Variants in TGFBR1 observed in about 807,000 individuals in gnomAD.
The protein encoded by TGFBR1 is TGF-beta receptor type-1.
Under a neutral mutation model 55.1 loss-of-function variants are expected in TGFBR1, and 20 were observed. The observed-to-expected ratio is 0.36, with a 90% CI of 0.26 to 0.53. The LOEUF (loss-of-function observed/expected upper bound fraction) is 0.53. Among genes scored for constraint, TGFBR1 ranks in the 20% least tolerant of loss-of-function variants. The pLI, the probability that TGFBR1 is intolerant of heterozygous loss-of-function variation, is 0.91. For synonymous variants in TGFBR1, 220 were observed against 214.8 expected (o/e 1.02, Z -0.21); for missense variants, 385 against 617.6 (o/e 0.62, Z 3.99).
chr9:99,128,467 G>A (rs1827104366), intron 1 of TGFBR1, among the ~76,000 whole-genome samples: 1 of 138,610 alleles, frequency 7.2e-6, no homozygotes, highest in Non-Finnish European at 1.5e-5. Flanking sequence ...TGTTTAGTTT[G>A]GGCCTGGTAA....
intron 1 of TGFBR1, among the ~76,000 whole-genome samples, chr9:99,117,350 C>T (rs528048105): frequency 1.3e-5 from 2 of 151,730 alleles, no homozygotes; most frequent in Admixed American, 6.6e-5. Context: ...CTGCCTGCCT[C>T]GGCCTCCCAA....
intron 3 of TGFBR1, among the ~76,000 whole-genome samples, chr9:99,133,962 C>G (rs914201462): frequency 2.7e-5 from 4 of 148,228 alleles, no homozygotes; most frequent in Non-Finnish European, 5.9e-5. Flanking sequence ...TGAGATCGCA[C>G]CACTGCACTC....
intron 1 of TGFBR1, among the ~76,000 whole-genome samples, chr9:99,113,426 A>G (rs1306911466): frequency 1.3e-5 from 2 of 152,144 alleles, no homozygotes; most frequent in Non-Finnish European, 2.9e-5. Context: ...TTCTATTTGG[A>G]TTGATCTAAC....
At position 99,128,475 on chromosome 9, in the gene TGFBR1, TAA is replaced by T. The variant is rs66612011; in HGVS notation, c.98-357_98-356del. 1.0e-3 allele frequency among the ~76,000 whole-genome samples: 108 copies of T among 104,016 alleles called. 1 individual carries two copies. The highest frequency in any genetic ancestry group is 2.8e-3 in the African/African-American group (80 of 28,266). 68.2% of individuals were successfully genotyped at this position (104,016 alleles called of 152,430 possible). Reference sequence around the variant, plus strand: ...ATGTGAATGTTTAGTTTGGGCCTGGTAAAAAAAAAAAAAAAAAAAAAAAAGTA... The same window carrying T: ...ATGTGAATGTTTAGTTTGGGCCTGGTAAAAAAAAAAAAAAAAAAAAAAGTA... On this transcript the variant is annotated intron_variant, in intron 1 of 8. Coordinates refer to ENST00000374994, the MANE Select transcript of TGFBR1 (RefSeq NM_004612.4).
At chr9:99,131,039 CTTA>C (rs1263234802) in intron 2 of TGFBR1, among the ~76,000 whole-genome samples, 4 of 151,910 alleles carry the variant, frequency 2.6e-5, no homozygotes, top group Admixed American at 6.6e-5. Flanking sequence ...ATCCAATATG[CTTA>C]TTATCAGAAT....
chr9:99,125,261 T>C (rs566790424), intron 1 of TGFBR1, among the ~76,000 whole-genome samples: 126 of 152,306 alleles, frequency 8.3e-4, no homozygotes, highest in African/African-American at 2.9e-3. Flanking sequence ...CCAAAACACT[T>C]GACAGCAAGC....
At chr9:99,138,860 C>T (rs1827522053) in intron 4 of TGFBR1, among the ~76,000 whole-genome samples, 1 of 151,806 alleles carries the variant, frequency 6.6e-6, no homozygotes, top group South Asian at 2.1e-4. Flanking sequence ...TACAGTGGTG[C>T]AATCTCGGCT....
rs1244225435 is a variant in TGFBR1, at chr9:99,129,088, C to G, written c.331C>G (p.Leu111Val). ...TCAGGACCATTGCAATAAAATAGAA[C>G]TTCCAACTACTGGTAAGTTGTATAA... ...CNQDHCNKIELPTTVKSSPGL... is the reference protein window; with the variant it reads ...CNQDHCNKIEVPTTVKSSPGL... Residue 111 changes from leucine to valine, a missense_variant, in exon 2 of 9, where the codon CTT (leucine) becomes GTT (valine). Leu to Val is a conservative substitution (Grantham distance 32, BLOSUM62 1). Around this residue, in one of 5 missense-constraint regions of TGFBR1, gnomAD observed 146 missense variants for 167.7 expected, o/e 0.87. Coordinates refer to ENST00000374994, the MANE Select transcript of TGFBR1 (RefSeq NM_004612.4). 6.2e-7 allele frequency: 1 copy of G among 1,613,888 alleles called. No individual in the cohort carries two copies. Among genetic ancestry groups the G allele is most frequent in the Non-Finnish European group, 8.5e-7 (1 of 1,179,888 alleles).
intron 1 of TGFBR1, among the ~76,000 whole-genome samples, chr9:99,125,185 T>C (rs987946448): frequency 1.1e-4 from 16 of 152,210 alleles, no homozygotes; most frequent in African/African-American, 3.9e-4. Flanking sequence ...TCAGTAATGT[T>C]ATGCAGGAGG....
At chr9:99,133,579 A>G (rs1827318178) in intron 3 of TGFBR1, among the ~76,000 whole-genome samples, 1 of 152,218 alleles carries the variant, frequency 6.6e-6, no homozygotes, top group African/African-American at 2.4e-5. Context: ...GTTTCAAGGC[A>G]AGCTTTGTCA....
chr9:99,110,989 C>A (rs1045195059), intron 1 of TGFBR1, among the ~76,000 whole-genome samples: 19 of 152,148 alleles, frequency 1.2e-4, no homozygotes, highest in African/African-American at 4.6e-4. Context: ...GTTTCCTTTC[C>A]CTTTTTTGCA....
At chr9:99,111,589 A>G (rs1487874117) in intron 1 of TGFBR1, among the ~76,000 whole-genome samples, 2 of 152,108 alleles carry the variant, frequency 1.3e-5, no homozygotes. Flanking sequence ...AGATTGCGCC[A>G]CTGCACTCCA....
intron 8 of TGFBR1, among the ~76,000 whole-genome samples, chr9:99,148,817 GTGAGACCCT>G (rs1246582687): frequency 6.7e-6 from 1 of 150,280 alleles, no homozygotes; most frequent in East Asian, 1.9e-4. Context: ...GGGCGGCAGA[GTGAGACCCT>G]GTCTCAAAAA....
intron 1 of TGFBR1, among the ~76,000 whole-genome samples, chr9:99,114,538 C>G (rs573802407): frequency 4.6e-5 from 7 of 152,300 alleles, no homozygotes; most frequent in African/African-American, 1.7e-4. Context: ...CCCTTTAACA[C>G]GTATTGAGGG....
Position 99,132,748 on chromosome 9 carries a change from A to C in TGFBR1, c.574+9A>C, listed in dbSNP as rs1554699647. 1 of 1,614,068 alleles carries C rather than the reference A, an allele frequency of 6.2e-7. No individual in the cohort carries two copies. Among genetic ancestry groups the C allele is most frequent in the South Asian group, 1.1e-5 (1 of 91,054 alleles). ...GTCAGGTTCTGGCTCAGGTAACATA[A>C]TTGTTTCTCCTTTTTCCTAAGACAT... On this transcript the variant is annotated intron_variant, in intron 3 of 8. Coordinates refer to ENST00000374994, the MANE Select transcript of TGFBR1 (RefSeq NM_004612.4).
chr9:99,146,445 G>A, intron 6 of TGFBR1, 40 bp from the exon 7 acceptor site: 1 of 1,613,168 alleles, frequency 6.2e-7, no homozygotes, highest in Non-Finnish European at 8.5e-7. Flanking sequence ...ATGGCAGTAA[G>A]GGGATGATTT....
chr9:99,115,152 A>G (rs566391422), intron 1 of TGFBR1, among the ~76,000 whole-genome samples: 19 of 152,162 alleles, frequency 1.2e-4, no homozygotes, highest in African/African-American at 4.1e-4. Context: ...AAAGTGAACA[A>G]TTCGGGTTTA....
At chr9:99,133,920 C>T (rs1827333758) in intron 3 of TGFBR1, among the ~76,000 whole-genome samples, 1 of 151,572 alleles carries the variant, frequency 6.6e-6, no homozygotes, top group Non-Finnish European at 1.5e-5. Flanking sequence ...AGGAGAATCA[C>T]CTGAACCTGG....
intron 1 of TGFBR1, among the ~76,000 whole-genome samples, chr9:99,116,016 C>T (rs1021918719): frequency 8.5e-5 from 13 of 152,208 alleles, no homozygotes; most frequent in African/African-American, 3.1e-4. Context: ...GGAAGAGATG[C>T]TCCTTTTTTC....
Sources: allele counts gnomAD v4.1 joint callset (sites outside exome capture counted in the v4.1 genomes callset), GRCh38; gene constraint gnomAD v4.1.1; regional missense constraint gnomAD v4.1.1; transcripts MANE v1.5; gene names NCBI Gene and HGNC (gene_info 2026-07-23, HGNC 2026-07-21).